The following NFIB variants were observed in gnomAD, a reference collection of about 807,000 sequenced individuals.
The protein encoded by NFIB is nuclear factor 1 B-type.
In NFIB, 11 loss-of-function variants were observed where a neutral mutation model predicts 61.5. That is an observed-to-expected ratio of 0.18 (90% CI 0.11 to 0.30). The LOEUF (loss-of-function observed/expected upper bound fraction) is 0.30, where lower values mean the gene tolerates loss of function less well. Among genes scored for constraint, NFIB ranks in the 10% least tolerant of loss-of-function variants. The pLI, the probability that NFIB is intolerant of heterozygous loss-of-function variation, is 1.00. For synonymous variants in NFIB, 260 were observed against 216.5 expected, an observed-to-expected ratio of 1.20 and a Z score of -1.76; for missense variants, 471 against 608.9, an observed-to-expected ratio of 0.77 and a Z score of 2.38.
the NFIB span, among the ~76,000 whole-genome samples, chr9:14,485,242 C>T: frequency 4.6e-5 from 7 of 152,176 alleles, no homozygotes; most frequent in Non-Finnish European, 8.8e-5. Flanking sequence ...AGTCAAAGAG[C>T]TCTAGGGAAG....
the NFIB span, among the ~76,000 whole-genome samples, chr9:14,426,137 A>C: frequency 6.6e-6 from 1 of 152,024 alleles, no homozygotes; most frequent in East Asian, 1.9e-4. Flanking sequence ...ATCCTCCTAA[A>C]CTGTCACTCA....
chr9:14,194,349 A>G (rs1186690595), intron 2 of NFIB, among the ~76,000 whole-genome samples: 1 of 152,190 alleles, frequency 6.6e-6, no homozygotes, highest in Non-Finnish European at 1.5e-5. Context: ...ATATGACAGC[A>G]GACATATTGC....
At chr9:14,514,969 A>G in the NFIB span, among the ~76,000 whole-genome samples, 1 of 152,156 alleles carries the variant, frequency 6.6e-6, no homozygotes, top group Non-Finnish European at 1.5e-5. Context: ...CCCAACAGAA[A>G]CGGCATACTT....
intron 2 of NFIB, among the ~76,000 whole-genome samples, chr9:14,236,161 T>C (rs902490772): frequency 6.6e-6 from 1 of 152,202 alleles, no homozygotes; most frequent in African/African-American, 2.4e-5. Flanking sequence ...CTACCAGTTT[T>C]ATATGGAACT....
At position 14,082,287 on chromosome 9, in the gene NFIB, G is replaced by C. The variant is rs1289554436; in HGVS notation, c.*6022C>G. The C allele has an allele frequency of 1.5e-5, 3 of 205,002 alleles. No homozygotes were observed. 12.7% of individuals were successfully genotyped at this position (205,002 alleles called of 1,614,324 possible). On this transcript the variant is annotated 3_prime_UTR_variant, in exon 11 of 11. Coordinates refer to ENST00000380953, the MANE Select transcript of NFIB (RefSeq NM_001190737.2). ...ACAAAATGCCAAAAGTTTTAAAATG[G>C]ATCAACCCTGGTGTGTAGCTAGCAA...
intron 2 of NFIB, among the ~76,000 whole-genome samples, chr9:14,287,213 C>T (rs1459459203): frequency 4.0e-5 from 6 of 151,106 alleles, no homozygotes; most frequent in African/African-American, 1.2e-4. Context: ...GGGCGGATCA[C>T]GAGGTCAGGA....
At chr9:14,326,345 C>T (rs1049464862) in intron 1 of NFIB, among the ~76,000 whole-genome samples, 5 of 152,208 alleles carry the variant, frequency 3.3e-5, no homozygotes, top group Non-Finnish European at 5.9e-5. Flanking sequence ...CAAGAAATTA[C>T]AAGATAGGCA....
intron 2 of NFIB, among the ~76,000 whole-genome samples, chr9:14,256,665 C>T (rs2056244926): frequency 6.6e-6 from 1 of 152,170 alleles, no homozygotes; most frequent in Non-Finnish European, 1.5e-5. Flanking sequence ...AGTCTCAGAA[C>T]CATGAGAATC....
At chr9:14,264,334 C>A (rs979171843) in intron 2 of NFIB, among the ~76,000 whole-genome samples, 1 of 152,190 alleles carries the variant, frequency 6.6e-6, no homozygotes, top group Non-Finnish European at 1.5e-5. Context: ...CCATTCTTTT[C>A]CCCATGGAAG....
At chr9:14,412,474 TTCTC>T in the NFIB span, among the ~76,000 whole-genome samples, 1 of 152,238 alleles carries the variant, frequency 6.6e-6, no homozygotes, top group Non-Finnish European at 1.5e-5. Context: ...AATTGGGTTA[TTCTC>T]TCTGAGTGTG....
chr9:14,303,769 C>G (rs1164161812), intron 2 of NFIB, among the ~76,000 whole-genome samples: 1 of 151,990 alleles, frequency 6.6e-6, no homozygotes, highest in Non-Finnish European at 1.5e-5. Context: ...CTTTTTTTTC[C>G]CCCTCGCCTG....
intron 3 of NFIB, among the ~76,000 whole-genome samples, chr9:14,177,717 A>G (rs2046337573): frequency 6.6e-6 from 1 of 152,174 alleles, no homozygotes; most frequent in Admixed American, 6.5e-5. Context: ...GTAGCATCCC[A>G]GTTTCAGGAC....
At chr9:14,524,631 T>G in the NFIB span, among the ~76,000 whole-genome samples, 7 of 152,170 alleles carry the variant, frequency 4.6e-5, no homozygotes, top group Non-Finnish European at 8.8e-5. Flanking sequence ...AAAGAGGTGG[T>G]AGATATTATC....
intron 2 of NFIB, among the ~76,000 whole-genome samples, chr9:14,186,060 C>G (rs1015291705): frequency 6.6e-6 from 1 of 152,142 alleles, no homozygotes; most frequent in Non-Finnish European, 1.5e-5. Context: ...GACACCATGG[C>G]TTGAGGATCA....
intron 2 of NFIB, among the ~76,000 whole-genome samples, chr9:14,210,467 A>G (rs2050191347): frequency 6.6e-6 from 1 of 152,184 alleles, no homozygotes; most frequent in East Asian, 1.9e-4. Flanking sequence ...CAAAAAAAAC[A>G]GAATTGCTTT....
At chr9:14,125,097 T>C (rs1044446781) in intron 7 of NFIB, among the ~76,000 whole-genome samples, 4 of 152,130 alleles carry the variant, frequency 2.6e-5, no homozygotes, top group African/African-American at 4.8e-5. Context: ...AACAATCTTT[T>C]TGATTAAGGT....
intron 2 of NFIB, among the ~76,000 whole-genome samples, chr9:14,249,771 T>C (rs1038677616): frequency 6.6e-6 from 1 of 151,730 alleles, no homozygotes; most frequent in Non-Finnish European, 1.5e-5. Context: ...AATGGAAAAG[T>C]GAGAGGGGAA....
chr9:14,415,794 G>A, the NFIB span, among the ~76,000 whole-genome samples: 1 of 152,156 alleles, frequency 6.6e-6, no homozygotes, highest in African/African-American at 2.4e-5. Context: ...CACCAAGATG[G>A]CTTTGGGGAA....
chr9:14,229,272 C>T (rs1439020621), intron 2 of NFIB, among the ~76,000 whole-genome samples: 1 of 152,166 alleles, frequency 6.6e-6, no homozygotes, highest in Non-Finnish European at 1.5e-5. Context: ...GTTACACCAG[C>T]ACGCAAAGCC....
Sources: allele counts gnomAD v4.1 joint callset (sites outside exome capture counted in the v4.1 genomes callset), GRCh38; gene constraint gnomAD v4.1.1; transcripts MANE v1.5; gene names NCBI Gene and HGNC (gene_info 2026-07-23, HGNC 2026-07-21).